The following FREM1 variants were observed in gnomAD, a reference collection of about 807,000 sequenced individuals.
The protein encoded by FREM1 is FRAS1 related extracellular matrix 1.
In FREM1, 220 loss-of-function variants were observed where a neutral mutation model predicts 210.1. That is an observed-to-expected ratio of 1.05 (90% confidence interval 0.94 to 1.17). The LOEUF is 1.17. FREM1 is among the 50% of genes most tolerant of loss of function. The pLI, the probability that FREM1 is intolerant of heterozygous loss-of-function variation, is 0.00. For synonymous variants in FREM1, 1,189 were observed against 980.2 expected, an observed-to-expected ratio of 1.21 and a Z score of -3.98; for missense variants, 3,454 against 2,675.5, an observed-to-expected ratio of 1.29 and a Z score of -6.42.
At chr9:14,773,255 A>G (rs565457310) in intron 25 of FREM1, among the ~76,000 whole-genome samples, 1 of 152,196 alleles carries the variant, frequency 6.6e-6, no homozygotes, top group Non-Finnish European at 1.5e-5. Context: ...TCAGACAGAA[A>G]AGATTTCCTA....
chr9:14,830,185 G>A (rs527787498), intron 10 of FREM1, among the ~76,000 whole-genome samples: 2 of 152,278 alleles, frequency 1.3e-5, no homozygotes, highest in East Asian at 3.9e-4. Flanking sequence ...GGCAGAGAAA[G>A]GATTAAGAAC....
At chr9:14,817,169 G>T (rs756648416) in intron 14 of FREM1, among the ~76,000 whole-genome samples, 1 of 152,156 alleles carries the variant, frequency 6.6e-6, no homozygotes, top group Admixed American at 6.5e-5. Context: ...TTTGGTATAG[G>T]TCTGTACGCT....
Position 14,859,502 on chromosome 9 carries a change from C to A in FREM1, c.330-18G>T, listed in dbSNP as rs112350443. 210 of 1,594,480 alleles carry A rather than the reference C, an allele frequency of 1.3e-4. No individual in the cohort carries two copies. Among genetic ancestry groups the A allele is most frequent in the African/African-American group, 8.1e-4 (60 of 74,498 alleles). ...CAGTAAATCTGTGGAGAACACAGGG[C>A]AAAAGCAATATTAATTGGTGCTCAG... On this transcript the variant is annotated intron_variant, in intron 3 of 36. Coordinates refer to ENST00000380880, the MANE Select transcript of FREM1 (RefSeq NM_001379081.2).
chr9:14,773,386 T>A (rs1441561526), intron 25 of FREM1, among the ~76,000 whole-genome samples: 1 of 152,190 alleles, frequency 6.6e-6, no homozygotes, highest in African/African-American at 2.4e-5. Context: ...TTGGGAGACT[T>A]ATTTGGGACA....
At chr9:14,783,455 T>A (rs1849939979) in intron 24 of FREM1, among the ~76,000 whole-genome samples, 1 of 152,140 alleles carries the variant, frequency 6.6e-6, no homozygotes, top group Non-Finnish European at 1.5e-5. Context: ...AAAGTGTGGG[T>A]GTACAATAGA....
chr9:14,769,101 GC>G (rs1298192096), intron 27 of FREM1, among the ~76,000 whole-genome samples: 3 of 152,132 alleles, frequency 2.0e-5, no homozygotes, highest in Admixed American at 1.3e-4. Flanking sequence ...CAGTGAAATT[GC>G]TGTGGTCTGT....
intron 6 of FREM1, among the ~76,000 whole-genome samples, 200 bp downstream of exon 6, chr9:14,851,084 C>T (rs1455360973): frequency 3.3e-5 from 5 of 152,130 alleles, no homozygotes; most frequent in Non-Finnish European, 5.9e-5. Context: ...TTCAGTTTGC[C>T]ACAGTGCCCC....
intron 25 of FREM1, among the ~76,000 whole-genome samples, chr9:14,773,336 C>T (rs1847926342): frequency 6.6e-6 from 1 of 152,184 alleles, no homozygotes; most frequent in Non-Finnish European, 1.5e-5. Context: ...GTTTTGCCCT[C>T]AATTACTCAG....
Position 14,824,830 on chromosome 9 carries a change from T to A in FREM1, c.2044A>T (p.Ile682Leu). The change falls in exon 11 of 37, where the codon ATA (isoleucine) becomes TTA (leucine). Residue 682 changes from isoleucine to leucine, a missense_variant. Coordinates refer to ENST00000380880, the MANE Select transcript of FREM1 (RefSeq NM_001379081.2). Reference sequence around the variant, plus strand: ...AAGGAGAAAAATGGAGGAGTAGTTATTGTGTAGACCAGCTCCCTGTCATAT... The same window carrying A: ...AAGGAGAAAAATGGAGGAGTAGTTAATGTGTAGACCAGCTCCCTGTCATAT... ...ESYDRELVYT[I>L]TTPPFFSFSH... The A allele has an allele frequency of 1.2e-6, 2 of 1,612,984 alleles. No homozygotes were observed. The highest frequency in any genetic ancestry group is 1.7e-6 in the Non-Finnish European group (2 of 1,179,404).
At chr9:14,747,598 T>C (rs1038313913) in intron 32 of FREM1, 83 bp downstream of exon 32, 3 of 1,022,764 alleles carry the variant, frequency 2.9e-6, no homozygotes, top group Non-Finnish European at 4.2e-6. Flanking sequence ...AATGTATAAA[T>C]ATAAAAAATA....
chr9:14,858,903 A>T (rs1829298013), intron 4 of FREM1, among the ~76,000 whole-genome samples: 1 of 152,156 alleles, frequency 6.6e-6, no homozygotes, highest in Admixed American at 6.5e-5. Flanking sequence ...ATTTACTCTT[A>T]TCCTTACCCA....
chr9:14,839,391 G>A (rs1825221841), intron 10 of FREM1, among the ~76,000 whole-genome samples: 1 of 152,222 alleles, frequency 6.6e-6, no homozygotes, highest in South Asian at 2.1e-4. Flanking sequence ...ATGTAAAGAT[G>A]TCAGATAGAG....
intron 24 of FREM1, among the ~76,000 whole-genome samples, chr9:14,780,530 A>T (rs1849497679): frequency 6.6e-6 from 1 of 151,724 alleles, no homozygotes; most frequent in African/African-American, 2.4e-5. Flanking sequence ...TCAGCTTGCT[A>T]ATCACTCGGT....
At chr9:14,859,794 T>TCTAGC (rs1829468887) in intron 3 of FREM1, among the ~76,000 whole-genome samples, 1 of 152,238 alleles carries the variant, frequency 6.6e-6, no homozygotes, top group Non-Finnish European at 1.5e-5. Context: ...AGCACATGTG[T>TCTAGC]AATTTAAGAG....
At chr9:14,844,579 T>C (rs1020776797) in intron 8 of FREM1, among the ~76,000 whole-genome samples, 2 of 152,220 alleles carry the variant, frequency 1.3e-5, no homozygotes, top group African/African-American at 4.8e-5. Context: ...TCACACCACG[T>C]GGCTGTGTTA....
chr9:14,824,287 C>T (rs767748126), intron 11 of FREM1, among the ~76,000 whole-genome samples, 172 bp from the exon 12 acceptor site: 2 of 152,188 alleles, frequency 1.3e-5, no homozygotes, highest in African/African-American at 4.8e-5. Flanking sequence ...GTTTCATCAA[C>T]ATCATCCTTG....
At chr9:14,785,374 AT>A (rs369207807) in intron 23 of FREM1, among the ~76,000 whole-genome samples, 1 of 152,254 alleles carries the variant, frequency 6.6e-6, no homozygotes, top group African/African-American at 2.4e-5. Flanking sequence ...TTAGAATGGT[AT>A]TTTTTTCTGG....
intron 1 of FREM1, among the ~76,000 whole-genome samples, chr9:14,870,602 A>G (rs1832465961): frequency 6.6e-6 from 1 of 152,124 alleles, no homozygotes; most frequent in African/African-American, 2.4e-5. Flanking sequence ...AATAGAAAAA[A>G]TACCCTTAGA....
intron 10 of FREM1, among the ~76,000 whole-genome samples, chr9:14,834,020 G>C (rs1029108211): frequency 6.6e-6 from 1 of 152,198 alleles, no homozygotes; most frequent in Non-Finnish European, 1.5e-5. Context: ...CAAAGGCTCT[G>C]TTCTGTTTTG....
Sources: gnomAD v4.1 joint callset for allele counts (sites outside exome capture counted in the v4.1 genomes callset) on GRCh38, gnomAD v4.1.1 for gene constraint, MANE v1.5 for transcripts, NCBI Gene and HGNC (gene_info 2026-07-23, HGNC 2026-07-21) for gene names.